Variants in TTLL5 observed in about 807,000 individuals in gnomAD.
TTLL5 encodes tubulin tyrosine ligase like 5, also known as tubulin polyglutamylase TTLL5.
A neutral mutation model predicts 168.4 loss-of-function variants in TTLL5; 132 were observed. The observed-to-expected ratio is 0.78, with a 90% confidence interval of 0.68 to 0.91. The LOEUF is 0.91. TTLL5 is among the 40% of genes least tolerant of loss of function. The probability of loss-of-function intolerance (pLI) is 0.00; values close to 1 mark genes in which losing one functional copy is unlikely to be tolerated. For synonymous variants in TTLL5, 546 were observed against 558.6 expected (o/e 0.98, Z 0.32); for missense variants, 1,545 against 1,581.5 (o/e 0.98, Z 0.39).
At chr14:75,833,787 T>A (rs1895717079) in intron 28 of TTLL5, among the ~76,000 whole-genome samples, 1 of 152,022 alleles carries the variant, frequency 6.6e-6, no homozygotes. Flanking sequence ...TGAAGTAGAG[T>A]GTGCAAATTC....
At position 75,914,033 on chromosome 14, in the gene TTLL5, A is replaced by AAAAAATATAT; in HGVS notation, c.3823+11810_3823+11811insAAAATATATA. Reference sequence around the variant, plus strand: ...GTTTAAAAGGAAAAAAAAAAAAAAAAATATATATATATATATATATATTTT... The same window carrying AAAAAATATAT: ...GTTTAAAAGGAAAAAAAAAAAAAAAAAAAAATATATATATATATATATATATATATATTTT... On this transcript the variant is annotated intron_variant, in intron 31 of 31. Transcript: ENST00000298832. 2.0e-4 allele frequency among the ~76,000 whole-genome samples: 14 copies of AAAAAATATAT among 71,102 alleles called. 1 individual carries two copies. The highest frequency in any genetic ancestry group is 3.1e-4 in the African/African-American group (2 of 6,452). The allele number at this position is 71,102 out of a possible 152,430, so 46.6% of individuals were successfully genotyped here. A position where few individuals can be genotyped will look rare whatever the true frequency, so the allele number is the denominator to read the frequency against.
chr14:75,738,043 A>C (rs889554663), intron 15 of TTLL5, among the ~76,000 whole-genome samples: 5 of 152,164 alleles, frequency 3.3e-5, no homozygotes, highest in Non-Finnish European at 7.4e-5. Context: ...TGAGTTCCTT[A>C]ACAGGTGACA....
intron 3 of TTLL5, among the ~76,000 whole-genome samples, chr14:75,670,118 T>G (rs867670469): frequency 4.6e-5 from 7 of 152,252 alleles, no homozygotes; most frequent in South Asian, 2.1e-4. Context: ...TGAATAACAT[T>G]CCATTGTATA....
Position 75,882,668 on chromosome 14 carries a change from TC to T in TTLL5, c.3523-15del. ...AGGTGATGTCCATCGATCATTTTTT[TC>T]CTTTTTTTTTTGTAGGCAATCTTTG... On this transcript the variant is annotated splice_polypyrimidine_tract_variant and intron_variant, in intron 29 of 31. Transcript: ENST00000298832. The T allele has an allele frequency of 6.3e-7, 1 of 1,598,020 alleles. No homozygotes were observed. The highest frequency in any genetic ancestry group is 8.6e-7 in the Non-Finnish European group (1 of 1,169,524).
chr14:75,951,385 CTTG>C (rs2034956135), intron 31 of TTLL5, among the ~76,000 whole-genome samples: 2 of 152,128 alleles, frequency 1.3e-5, no homozygotes, highest in South Asian at 4.1e-4. Flanking sequence ...GTAAAGATCA[CTTG>C]TTAAGTACAT....
chr14:75,879,585 T>G (rs2031689075), intron 29 of TTLL5, among the ~76,000 whole-genome samples: 1 of 152,202 alleles, frequency 6.6e-6, no homozygotes, highest in Non-Finnish European at 1.5e-5. Flanking sequence ...TCCAATGAAG[T>G]AATTTTTTTT....
Position 75,663,168 on chromosome 14 carries a change from C to G in TTLL5, c.19C>G (p.Arg7Gly). The change falls in exon 2 of 32, where the codon CGG (arginine) becomes GGG (glycine). Residue 7 changes from arginine to glycine, a missense_variant. Coordinates refer to ENST00000298832, the MANE Select transcript of TTLL5 (RefSeq NM_015072.5). ...AAAGGAAATGCCAATCGTGATGGCC[C>G]GGGACCTGGAGGAAACAGCATCATC... MPIVMA[R>G]DLEETASSSE... is the part of the protein sequence containing the mutation. The G allele has an allele frequency of 6.2e-7, 1 of 1,613,528 alleles. No individual in the cohort carries two copies. Among genetic ancestry groups the G allele is most frequent in the Non-Finnish European group, 8.5e-7 (1 of 1,179,888 alleles).
At chr14:75,789,197 A>G (rs1892551247) in intron 26 of TTLL5, among the ~76,000 whole-genome samples, 1 of 152,210 alleles carries the variant, frequency 6.6e-6, no homozygotes, top group East Asian at 1.9e-4. Flanking sequence ...AAGGATGCCC[A>G]TTAACATTCC....
chr14:75,745,827 G>A (rs1889574119), intron 17 of TTLL5, among the ~76,000 whole-genome samples: 1 of 151,612 alleles, frequency 6.6e-6, no homozygotes, highest in African/African-American at 2.4e-5. Flanking sequence ...GTTAGGGACT[G>A]TCCTAAACTT....
intron 31 of TTLL5, among the ~76,000 whole-genome samples, chr14:75,914,017 G>GAAAAGGAAAAAAAA (rs2033493973): frequency 3.2e-5 from 1 of 31,052 alleles, no homozygotes; most frequent in African/African-American, 2.4e-4. Flanking sequence ...TGTTTAAAAG[G>GAAAAGGAAAAAAAA]AAAAAAAAAA....
intron 31 of TTLL5, among the ~76,000 whole-genome samples, chr14:75,912,153 ACT>A (rs1036091399): frequency 3.3e-4 from 49 of 148,986 alleles, no homozygotes; most frequent in Admixed American, 8.7e-4. Flanking sequence ...TCATGACGTG[ACT>A]CTCTCTATGG....
chr14:75,696,947 A>G (rs1321811044), intron 6 of TTLL5, among the ~76,000 whole-genome samples: 1 of 151,312 alleles, frequency 6.6e-6, no homozygotes, highest in Non-Finnish European at 1.5e-5. Context: ...TGTGTAGATT[A>G]GATGTCTGCA....
At chr14:75,923,232 T>A (rs1397275592) in intron 31 of TTLL5, among the ~76,000 whole-genome samples, 2 of 152,240 alleles carry the variant, frequency 1.3e-5, no homozygotes, top group Admixed American at 6.5e-5. Flanking sequence ...TGATGTTAGT[T>A]ATTTCTTGCC....
chr14:75,903,897 AT>A (rs755158925), intron 31 of TTLL5, among the ~76,000 whole-genome samples: 144 of 147,452 alleles, frequency 9.8e-4, no homozygotes, highest in African/African-American at 3.7e-3. Flanking sequence ...CCTACCTCTA[AT>A]TTAAAAAAAA....
intron 21 of TTLL5, 56 bp from the exon 22 acceptor site, chr14:75,775,428 C>G: frequency 6.3e-7 from 1 of 1,589,586 alleles, no homozygotes. Context: ...AGCTTGTCTT[C>G]TGTTGCTTAG....
At chr14:75,952,636 A>G (rs1469729867) in intron 31 of TTLL5, among the ~76,000 whole-genome samples, 6 of 152,248 alleles carry the variant, frequency 3.9e-5, no homozygotes. Context: ...GAATGGATAA[A>G]TGAAATGTGG....
At chr14:75,823,808 C>T (rs1429055912) in intron 28 of TTLL5, among the ~76,000 whole-genome samples, 1 of 152,172 alleles carries the variant, frequency 6.6e-6, no homozygotes, top group African/African-American at 2.4e-5. Flanking sequence ...TCTGTATGAA[C>T]TTGAAATGCC....
chr14:75,874,691 C>T (rs1442643250), intron 29 of TTLL5, among the ~76,000 whole-genome samples: 1 of 152,050 alleles, frequency 6.6e-6, no homozygotes, highest in Non-Finnish European at 1.5e-5. Flanking sequence ...GGCTATTCTA[C>T]TTTGAGGAAA....
chr14:75,859,873 T>G (rs1346321124), intron 28 of TTLL5, among the ~76,000 whole-genome samples: 1 of 152,192 alleles, frequency 6.6e-6, no homozygotes, highest in Non-Finnish European at 1.5e-5. Context: ...ACCCCAAGGC[T>G]TGTGCTTTAA....
Sources: allele counts gnomAD v4.1 joint callset (sites outside exome capture counted in the v4.1 genomes callset), GRCh38; gene constraint gnomAD v4.1.1; transcripts MANE v1.5; gene names NCBI Gene and HGNC (gene_info 2026-07-23, HGNC 2026-07-21).